Variants in RBFOX1 observed in about 807,000 individuals in gnomAD.
The protein encoded by RBFOX1 is RNA binding protein fox-1 homolog 1.
In RBFOX1, 8 loss-of-function variants were observed where a neutral mutation model predicts 57.7. The ratio of observed to expected loss-of-function variants is 0.14; its 90% CI spans 0.08 to 0.25. RBFOX1 has a LOEUF of 0.25. Ranked by LOEUF, RBFOX1 falls within the 10% of genes least tolerant of loss-of-function variation. RBFOX1 has a pLI of 1.00. For synonymous variants in RBFOX1, 326 were observed against 222.4 expected (o/e 1.47, Z -4.15); for missense variants, 611 against 548.5 (o/e 1.11, Z -1.14).
At chr16:6,246,174 C>T (rs1464535770) in intron 1 of RBFOX1, among the ~76,000 whole-genome samples, 3 of 152,124 alleles carry the variant, frequency 2.0e-5, no homozygotes, top group African/African-American at 7.2e-5. Context: ...CTCACAGAAT[C>T]AAATGCATGA....
chr16:5,500,327 A>G (rs1009459001), intron 2 of RBFOX1, among the ~76,000 whole-genome samples: 1 of 151,790 alleles, frequency 6.6e-6, no homozygotes, highest in Admixed American at 6.6e-5. Context: ...AATTCAAGTG[A>G]TCCTCCCACC....
chr16:7,370,277 A>T (rs1350780514), intron 4 of RBFOX1, among the ~76,000 whole-genome samples: 1 of 152,144 alleles, frequency 6.6e-6, no homozygotes, highest in Non-Finnish European at 1.5e-5. Context: ...TTTTCTTGGT[A>T]CCCATTAAGA....
chr16:7,441,882 T>C (rs1293151242), intron 4 of RBFOX1, among the ~76,000 whole-genome samples: 3 of 152,190 alleles, frequency 2.0e-5, no homozygotes, highest in Non-Finnish European at 4.4e-5. Flanking sequence ...CGTAGTGCTC[T>C]CCTCCCACCC....
At chr16:5,523,222 A>G (rs980163704) in intron 2 of RBFOX1, among the ~76,000 whole-genome samples, 5 of 151,176 alleles carry the variant, frequency 3.3e-5, no homozygotes, top group Non-Finnish European at 7.4e-5. Flanking sequence ...GGAGGCAGAG[A>G]TTACAGTGAG....
chr16:6,542,412 C>G (rs1346576190), intron 2 of RBFOX1, among the ~76,000 whole-genome samples: 1 of 149,290 alleles, frequency 6.7e-6, no homozygotes, highest in South Asian at 2.1e-4. Context: ...CCTCTGAGCT[C>G]AACAACTGCA....
At chr16:6,048,940 C>G (rs1246848700) in intron 1 of RBFOX1, among the ~76,000 whole-genome samples, 1 of 151,656 alleles carries the variant, frequency 6.6e-6, no homozygotes, top group East Asian at 1.9e-4. Flanking sequence ...TAGCATGACT[C>G]AGACTGGGGT....
intron 4 of RBFOX1, among the ~76,000 whole-genome samples, chr16:7,424,958 A>G (rs192602779): frequency 6.6e-6 from 1 of 152,228 alleles, no homozygotes; most frequent in Non-Finnish European, 1.5e-5. Context: ...GAGTTTGAGC[A>G]CCAAGAAGAA....
chr16:6,308,109 C>T (rs1323440982), intron 1 of RBFOX1, among the ~76,000 whole-genome samples: 4 of 151,210 alleles, frequency 2.6e-5, no homozygotes, highest in Admixed American at 6.6e-5. Context: ...TTATTATTTA[C>T]ATACTTTTAT....
At chr16:5,859,373 G>A (rs982617105) in intron 3 of RBFOX1, among the ~76,000 whole-genome samples, 2 of 152,140 alleles carry the variant, frequency 1.3e-5, no homozygotes, top group East Asian at 3.8e-4. Context: ...CCAACTCTAA[G>A]CCAGACGTTC....
At chr16:6,223,610 C>T (rs2097393794) in intron 1 of RBFOX1, among the ~76,000 whole-genome samples, 1 of 152,130 alleles carries the variant, frequency 6.6e-6, no homozygotes, top group African/African-American at 2.4e-5. Context: ...AGCCCTTTGT[C>T]AGATGAGTAG....
At chr16:7,150,914 G>A (rs1167110938) in intron 4 of RBFOX1, among the ~76,000 whole-genome samples, 1 of 152,164 alleles carries the variant, frequency 6.6e-6, no homozygotes, top group Non-Finnish European at 1.5e-5. Context: ...GGGCTGAGTA[G>A]GTGTTCCCAT....
At chr16:5,838,752 C>G (rs1056356338) in intron 3 of RBFOX1, 1 of 152,156 alleles carries the variant, frequency 6.6e-6, no homozygotes. Context: ...ATATTGGTGA[C>G]AGCTCAGTCA....
intron 4 of RBFOX1, among the ~76,000 whole-genome samples, chr16:7,441,898 C>A (rs559397696): frequency 3.5e-4 from 54 of 152,336 alleles, no homozygotes; most frequent in Non-Finnish European, 6.9e-4. Flanking sequence ...CACCCTTCCA[C>A]AAATAAACGT....
Position 5,978,687 on chromosome 16 carries a change from T to TTTTG in RBFOX1, c.351+111354_351+111355insTGTT, listed in dbSNP as rs1555461026. Among the ~76,000 whole-genome samples, 764 of 150,162 alleles carry TTTTG rather than the reference T, an allele frequency of 5.1e-3. 2 individuals are homozygous for TTTTG. The highest frequency in any genetic ancestry group is 7.1e-3 in the Non-Finnish European group (481 of 67,666). On this transcript the variant is annotated intron_variant, in intron 4 of 19. Coordinates refer to the RBFOX1 transcript ENST00000641259. ...TTTTGTTTTTTTGTTTGTTTTTTTT[T>TTTTG]TTGTTGTTGTTGTTTTTTTAAATGA...
chr16:6,405,783 A>G (rs1232915140), intron 2 of RBFOX1, among the ~76,000 whole-genome samples: 2 of 152,316 alleles, frequency 1.3e-5, no homozygotes, highest in East Asian at 1.9e-4. Context: ...CTATTTTTAC[A>G]TTTGTTTCAA....
chr16:6,152,798 ATC>A (rs1055413191), intron 1 of RBFOX1, among the ~76,000 whole-genome samples: 2 of 152,294 alleles, frequency 1.3e-5, no homozygotes, highest in African/African-American at 4.8e-5. Context: ...GTTCCTGAAC[ATC>A]TGTCTAAAAA....
At chr16:7,115,666 A>C (rs2065747330) in intron 4 of RBFOX1, among the ~76,000 whole-genome samples, 1 of 152,200 alleles carries the variant, frequency 6.6e-6, no homozygotes, top group Admixed American at 6.5e-5. Flanking sequence ...TTCAAGAGAG[A>C]ATGAAAGAGG....
chr16:5,443,843 T>C (rs1309977701), intron 1 of RBFOX1, among the ~76,000 whole-genome samples: 1 of 152,228 alleles, frequency 6.6e-6, no homozygotes, highest in African/African-American at 2.4e-5. Context: ...ACCTATTTTT[T>C]GAAAGTCTGG....
chr16:6,551,918 C>G (rs974567924), intron 2 of RBFOX1, among the ~76,000 whole-genome samples: 1 of 152,220 alleles, frequency 6.6e-6, no homozygotes, highest in African/African-American at 2.4e-5. Context: ...ATCCAGTCTA[C>G]TCTTTAAATT....
Sources: allele counts gnomAD v4.1 joint callset (sites outside exome capture counted in the v4.1 genomes callset), GRCh38; gene constraint gnomAD v4.1.1; transcripts MANE v1.5; gene names NCBI Gene and HGNC (gene_info 2026-07-23, HGNC 2026-07-21).